NSUN4: variants seen among roughly 807,000 people sequenced by gnomAD.
NSUN4 encodes 5-cytosine rRNA methyltransferase NSUN4.
A neutral mutation model predicts 43.8 loss-of-function variants in NSUN4; 31 were observed. The observed-to-expected ratio is 0.71, with a 90% CI of 0.53 to 0.96. The LOEUF is 0.96. Among genes scored for constraint, NSUN4 ranks in the 40% least tolerant of loss-of-function variants. The pLI is 0.00. For missense variants in NSUN4, 439 were observed against 475.6 expected (o/e 0.92, Z 0.72); for synonymous variants, 167 against 184.1 (o/e 0.91, Z 0.75).
At chr1:46,360,375 A>G (rs1280483925) in intron 4 of NSUN4, among the ~76,000 whole-genome samples, 1 of 147,452 alleles carries the variant, frequency 6.8e-6, no homozygotes, top group Non-Finnish European at 1.5e-5. Context: ...TGAGGCTGCA[A>G]TGACCTATGA....
downstream of NSUN4, among the ~76,000 whole-genome samples, chr1:46,365,985 G>A (rs112144216): frequency 2.1e-3 from 317 of 152,082 alleles, 1 homozygote; most frequent in African/African-American, 5.1e-3. Flanking sequence ...AAAATTAGCC[G>A]GGTGTGGTGG....
chr1:46,354,110 G>GT lies in NSUN4; in HGVS notation c.753+1094dup, dbSNP rs56407189. Among the ~76,000 whole-genome samples, 265 of 147,544 alleles carry GT rather than the reference G, an allele frequency of 1.8e-3. 2 individuals are homozygous for GT. Among genetic ancestry groups the GT allele is most frequent in the South Asian group, 3.0e-3 (14 of 4,624 alleles). ...AAATCTCCATATTAATTTTTTTAAA[G>GT]TTTTTTTTTTTTGAGTGGCAGGTTT... On this transcript the variant is annotated intron_variant, in intron 4 of 5. Transcript: ENST00000474844.
intron 4 of NSUN4, among the ~76,000 whole-genome samples, chr1:46,355,978 C>A (rs1456863674): frequency 3.3e-5 from 5 of 150,706 alleles, no homozygotes; most frequent in African/African-American, 1.2e-4. Flanking sequence ...CGCGCCATTG[C>A]ATTCCAGCCT....
At chr1:46,341,823 A>G in intron 1 of NSUN4, 2 of 1,232,822 alleles carry the variant, frequency 1.6e-6, no homozygotes, top group Non-Finnish European at 2.0e-6. Flanking sequence ...ACCTTATTGC[A>G]GCTGGATGAG....
intron 1 of NSUN4, chr1:46,343,321 C>T: frequency 2.5e-6 from 1 of 399,828 alleles, no homozygotes; most frequent in Non-Finnish European, 4.4e-6. Flanking sequence ...CCCTTTGATC[C>T]TCAAAGTTTA....
intron 4 of NSUN4, among the ~76,000 whole-genome samples, chr1:46,353,481 CTT>C (rs895430590): frequency 6.9e-6 from 1 of 145,242 alleles, no homozygotes; most frequent in Non-Finnish European, 1.5e-5. Flanking sequence ...ACGATTGTTT[CTT>C]TTTTTTTTTT....
chr1:46,378,130 C>T, the NSUN4 span, among the ~76,000 whole-genome samples: 1 of 151,900 alleles, frequency 6.6e-6, no homozygotes, highest in African/African-American at 2.4e-5. Flanking sequence ...AACTCCTGAG[C>T]TCAGTAGATC....
At chr1:46,357,559 C>T (rs1180744836) in intron 4 of NSUN4, among the ~76,000 whole-genome samples, 1 of 152,194 alleles carries the variant, frequency 6.6e-6, no homozygotes, top group Non-Finnish European at 1.5e-5. Flanking sequence ...CATAGCTCTG[C>T]TGTTTCTCTG....
intron 2 of NSUN4, among the ~76,000 whole-genome samples, chr1:46,346,656 G>A (rs569604741): frequency 2.0e-5 from 3 of 152,120 alleles, no homozygotes; most frequent in Non-Finnish European, 4.4e-5. Flanking sequence ...CCTGGGAGGT[G>A]GAGGTTGCAG....
intron 4 of NSUN4, among the ~76,000 whole-genome samples, chr1:46,356,150 C>T (rs866776346): frequency 3.3e-5 from 5 of 152,148 alleles, no homozygotes; most frequent in Non-Finnish European, 7.3e-5. Context: ...TGGCTCACTG[C>T]AGTCTTGACT....
intron 5 of NSUN4, 39 bp from the exon 6 acceptor site, chr1:46,361,531 A>G (rs1663869766): frequency 1.3e-6 from 2 of 1,590,832 alleles, no homozygotes; most frequent in Non-Finnish European, 1.7e-6. Context: ...ACTGCTGGGA[A>G]GCTCACTAGT....
At chr1:46,366,298 A>G (rs1335101432), downstream of NSUN4, among the ~76,000 whole-genome samples, 1 of 152,208 alleles carries the variant, frequency 6.6e-6, no homozygotes, top group African/African-American at 2.4e-5. Context: ...TAAGAAGGAA[A>G]GAATGGTTCT....
the NSUN4 span, among the ~76,000 whole-genome samples, chr1:46,375,504 C>T: frequency 4.7e-5 from 7 of 149,646 alleles, no homozygotes; most frequent in African/African-American, 1.7e-4. Context: ...GAGGTGGAGG[C>T]GAGAGTCTTT....
intron 4 of NSUN4, among the ~76,000 whole-genome samples, chr1:46,358,302 G>T (rs1030609263): frequency 2.6e-5 from 4 of 151,802 alleles, no homozygotes; most frequent in African/African-American, 9.7e-5. Flanking sequence ...CGCCATGTTG[G>T]CCAGGCTGGT....
intron 1 of NSUN4, chr1:46,343,501 CTAT>C (rs1314795374): frequency 7.5e-6 from 3 of 399,634 alleles, no homozygotes. Context: ...TGTAGTTCGA[CTAT>C]TATTAGCAAA....
At chr1:46,358,837 A>G (rs1663590217) in intron 4 of NSUN4, among the ~76,000 whole-genome samples, 1 of 152,164 alleles carries the variant, frequency 6.6e-6, no homozygotes, top group Non-Finnish European at 1.5e-5. Flanking sequence ...TACATTGGAT[A>G]ATTCCTATAT....
chr1:46,367,637 A>AGAGTAAGGCT (rs1664165475), downstream of NSUN4, among the ~76,000 whole-genome samples: 1 of 152,216 alleles, frequency 6.6e-6, no homozygotes, highest in South Asian at 2.1e-4. Context: ...TGCTCCTTGC[A>AGAGTAAGGCT]GAGTAAGGCT....
At chr1:46,350,784 T>C (rs956337576) in intron 3 of NSUN4, among the ~76,000 whole-genome samples, 3 of 152,194 alleles carry the variant, frequency 2.0e-5, no homozygotes, top group African/African-American at 7.2e-5. Flanking sequence ...CCCTTTTTCC[T>C]TTTGCAACGT....
At chr1:46,371,112 A>G in the NSUN4 span, among the ~76,000 whole-genome samples, 1 of 150,756 alleles carries the variant, frequency 6.6e-6, no homozygotes, top group Non-Finnish European at 1.5e-5. Flanking sequence ...GTCCTTAACC[A>G]CCAGCATAAC....
Sources: gnomAD v4.1 joint callset for allele counts (sites outside exome capture counted in the v4.1 genomes callset) on GRCh38, gnomAD v4.1.1 for gene constraint, MANE v1.5 for transcripts, NCBI Gene and HGNC (gene_info 2026-07-23, HGNC 2026-07-21) for gene names.